Variants in AUTS2 observed in about 807,000 individuals in gnomAD.
AUTS2 encodes activator of transcription and developmental regulator AUTS2.
Under a neutral mutation model 112.4 loss-of-function variants are expected in AUTS2, and 17 were observed. The ratio of observed to expected loss-of-function variants is 0.15; its 90% CI spans 0.10 to 0.23. The LOEUF (loss-of-function observed/expected upper bound fraction) is 0.23. Among genes scored for constraint, AUTS2 ranks in the 10% least tolerant of loss-of-function variants. The pLI, the probability that AUTS2 is intolerant of heterozygous loss-of-function variation, is 1.00. For synonymous variants in AUTS2, 751 were observed against 702.7 expected (o/e 1.07, Z -1.09); for missense variants, 1,510 against 1,701.6 (o/e 0.89, Z 1.98).
rs113035093 is a variant in AUTS2 at position 70,763,687 on chromosome 7, T to C, written c.1214+346T>C. On this transcript the variant is annotated intron_variant, in intron 7 of 18. Coordinates refer to ENST00000342771, the MANE Select transcript of AUTS2 (RefSeq NM_015570.4). ...GAAGCCTGGGGCATATCAGAGGCCA[T>C]GCAGTGTGAGCAGATCCTTTCAAGA... is the stretch of plus-strand genomic sequence containing the variant. Among the ~76,000 whole-genome samples the C allele has an allele frequency of 2.5e-3, 380 of 152,264 alleles. 3 individuals are homozygous for C. The highest frequency in any genetic ancestry group is 7.7e-3 in the South Asian group (37 of 4,828).
At chr7:70,548,706 A>G (rs1800893212) in intron 5 of AUTS2, among the ~76,000 whole-genome samples, 1 of 152,182 alleles carries the variant, frequency 6.6e-6, no homozygotes, top group African/African-American at 2.4e-5. Flanking sequence ...AATCATAGAC[A>G]ATAAATACAC....
chr7:69,796,971 G>A (rs1049322064), intron 1 of AUTS2, among the ~76,000 whole-genome samples: 4 of 152,168 alleles, frequency 2.6e-5, no homozygotes, highest in Non-Finnish European at 5.9e-5. Flanking sequence ...GAATTAACTA[G>A]GCTCCATCTG....
intron 2 of AUTS2, among the ~76,000 whole-genome samples, chr7:69,938,773 CG>C (rs1227652539): frequency 2.6e-5 from 4 of 152,128 alleles, no homozygotes; most frequent in Non-Finnish European, 4.4e-5. Context: ...CAGAAAAGAA[CG>C]TAGGCTAAGA....
intron 1 of AUTS2, among the ~76,000 whole-genome samples, chr7:69,742,740 T>A (rs937453747): frequency 2.0e-5 from 3 of 152,190 alleles, no homozygotes; most frequent in Non-Finnish European, 4.4e-5. Context: ...TTGTAATACT[T>A]CCTATTTCTC....
intron 2 of AUTS2, among the ~76,000 whole-genome samples, chr7:70,102,551 G>A (rs1054434036): frequency 6.6e-6 from 1 of 151,442 alleles, no homozygotes; most frequent in Non-Finnish European, 1.5e-5. Context: ...ACACACACAC[G>A]TACGTATATG....
At chr7:70,299,367 C>A (rs1442833422) in intron 4 of AUTS2, among the ~76,000 whole-genome samples, 1 of 152,122 alleles carries the variant, frequency 6.6e-6, no homozygotes. Context: ...ACCCTGAGTT[C>A]GGAATAGATC....
At chr7:70,160,483 A>G (rs934911249) in intron 4 of AUTS2, among the ~76,000 whole-genome samples, 12 of 152,172 alleles carry the variant, frequency 7.9e-5, no homozygotes, top group Non-Finnish European at 1.6e-4. Context: ...ACAATTCCCC[A>G]TTTAGCCAAA....
chr7:69,689,637 G>A (rs1217525099), intron 1 of AUTS2, among the ~76,000 whole-genome samples: 1 of 140,002 alleles, frequency 7.1e-6, no homozygotes, highest in East Asian at 2.1e-4. Flanking sequence ...ACCGCACCCG[G>A]CCTTTTATTT....
At chr7:70,278,631 A>G (rs1359057199) in intron 4 of AUTS2, among the ~76,000 whole-genome samples, 1 of 150,762 alleles carries the variant, frequency 6.6e-6, no homozygotes, top group Non-Finnish European at 1.5e-5. Context: ...ACATATGTAC[A>G]TGCATACATA....
intron 2 of AUTS2, among the ~76,000 whole-genome samples, chr7:70,107,990 G>A (rs187526095): frequency 9.3e-5 from 14 of 150,378 alleles, no homozygotes; most frequent in Middle Eastern, 6.8e-3. Flanking sequence ...CAGCCTGGGC[G>A]ACAGAGCGAG....
chr7:70,608,057 A>C (rs1368365682), intron 5 of AUTS2, among the ~76,000 whole-genome samples: 7 of 152,152 alleles, frequency 4.6e-5, no homozygotes, highest in Non-Finnish European at 1.0e-4. Flanking sequence ...ATCTGACTGG[A>C]CCTTTGCCAG....
intron 2 of AUTS2, among the ~76,000 whole-genome samples, chr7:70,027,082 A>G (rs1800554404): frequency 1.3e-5 from 2 of 152,138 alleles, no homozygotes; most frequent in Admixed American, 1.3e-4. Context: ...CTGTAGGCTA[A>G]TGTAAGTGTT....
At chr7:70,317,331 C>T (rs1177868849) in intron 4 of AUTS2, among the ~76,000 whole-genome samples, 2 of 152,052 alleles carry the variant, frequency 1.3e-5, no homozygotes, top group Non-Finnish European at 2.9e-5. Context: ...TTGTCATTTG[C>T]CATGGAAAGA....
At chr7:70,314,898 C>T (rs1362934026) in intron 4 of AUTS2, among the ~76,000 whole-genome samples, 1 of 152,016 alleles carries the variant, frequency 6.6e-6, no homozygotes, top group Non-Finnish European at 1.5e-5. Flanking sequence ...TCTTTTTCAC[C>T]ACTTCCCTCT....
intron 5 of AUTS2, among the ~76,000 whole-genome samples, chr7:70,601,889 A>G (rs189044444): frequency 1.7e-3 from 254 of 152,218 alleles, no homozygotes; most frequent in African/African-American, 5.9e-3. Flanking sequence ...GTTTGTAAAG[A>G]CTGATTATAA....
intron 5 of AUTS2, among the ~76,000 whole-genome samples, chr7:70,692,135 T>A (rs540273047): frequency 4.6e-5 from 7 of 152,284 alleles, no homozygotes; most frequent in Admixed American, 4.6e-4. Context: ...CCCAAAGTGC[T>A]GGGATTACAG....
At chr7:70,633,196 C>T (rs931177993) in intron 5 of AUTS2, among the ~76,000 whole-genome samples, 3 of 152,088 alleles carry the variant, frequency 2.0e-5, no homozygotes, top group South Asian at 2.1e-4. Context: ...AAAATCAGAG[C>T]GAGGGTCCCC....
At chr7:70,287,200 G>C (rs561761459) in intron 4 of AUTS2, among the ~76,000 whole-genome samples, 6 of 152,208 alleles carry the variant, frequency 3.9e-5, no homozygotes, top group Non-Finnish European at 8.8e-5. Context: ...GAGTTTCATG[G>C]ACAGGGTCAG....
chr7:69,948,554 GACAA>G lies in AUTS2; in HGVS notation c.522+49060_522+49063del, dbSNP rs543962821. 1.9e-4 allele frequency among the ~76,000 whole-genome samples: 29 copies of G among 152,122 alleles called. No homozygotes were observed. In the South Asian group the frequency reaches 3.1e-3, roughly 16 times the overall value. On this transcript the variant is annotated intron_variant, in intron 2 of 18. Coordinates refer to ENST00000342771, the MANE Select transcript of AUTS2 (RefSeq NM_015570.4). The stretch of plus-strand genomic sequence containing the variant: ...ACCTCATTAATCATATAAATATTTT[GACAA>G]ACAGAAAGGGGACAGAGCAGACTTA...
Sources: gnomAD v4.1 joint callset for allele counts (sites outside exome capture counted in the v4.1 genomes callset) on GRCh38, gnomAD v4.1.1 for gene constraint, MANE v1.5 for transcripts, NCBI Gene and HGNC (gene_info 2026-07-23, HGNC 2026-07-21) for gene names.